Variants in P3H1 observed in about 807,000 individuals in gnomAD.
P3H1 encodes growth suppressor 1.
Under a neutral mutation model 84.0 loss-of-function variants are expected in P3H1, and 69 were observed. The observed-to-expected ratio is 0.82, with a 90% CI of 0.68 to 1.00. The LOEUF (loss-of-function observed/expected upper bound fraction) is 1.00, where lower values mean the gene tolerates loss of function less well. Among genes scored for constraint, P3H1 ranks in the 50% least tolerant of loss-of-function variants. The pLI, the probability that P3H1 is intolerant of heterozygous loss-of-function variation, is 0.00. For synonymous variants in P3H1, 366 were observed against 388.8 expected, an observed-to-expected ratio of 0.94 and a Z score of 0.69; for missense variants, 878 against 962.8, an observed-to-expected ratio of 0.91 and a Z score of 1.17.
intron 5 of P3H1, 85 bp from the exon 6 acceptor site, chr1:42,755,722 T>G: frequency 1.0e-6 from 1 of 987,550 alleles, no homozygotes; most frequent in Non-Finnish European, 1.6e-6. Flanking sequence ...CACCCCACAC[T>G]GATGCTCCCA....
intron 2 of P3H1, 61 bp from the exon 3 acceptor site, chr1:42,759,451 C>T (rs1018290661): frequency 4.8e-6 from 7 of 1,467,274 alleles, no homozygotes; most frequent in Non-Finnish European, 6.6e-6. Flanking sequence ...TCTCCTTGCC[C>T]TCAGCCACCT....
intron 13 of P3H1, 138 bp downstream of exon 13, chr1:42,747,585 C>A: frequency 8.9e-7 from 1 of 1,129,178 alleles, no homozygotes; most frequent in South Asian, 1.2e-5. Flanking sequence ...GGACACGTCT[C>A]AAAGCCCCTC....
At chr1:42,750,771 A>G (rs1241354293) in intron 10 of P3H1, among the ~76,000 whole-genome samples, 5 of 133,252 alleles carry the variant, frequency 3.8e-5, no homozygotes, top group African/African-American at 1.4e-4. Context: ...CCTACTGGGA[A>G]GTGAGGACCC....
At chr1:42,756,411 G>A (rs1652407025) in intron 5 of P3H1, 1 of 154,252 alleles carries the variant, frequency 6.5e-6, no homozygotes, top group Admixed American at 6.5e-5. Flanking sequence ...CCAGGGCAGG[G>A]AAACTGAGTA....
In P3H1 at chr1:42,750,236, G is replaced by T. The variant is rs762603538; in HGVS notation, c.1670C>A (p.Thr557Lys). The change falls in exon 11 of 15, where the codon ACG (threonine) becomes AAG (lysine). Residue 557 changes from threonine to lysine, a missense_variant. Transcript: ENST00000296388. ...ATGAGAGTAGGAAAAGTAGAGGGGC[G>T]TATCCAGGCGGAAGTAGGACTCCAT... is the stretch of plus-strand genomic sequence containing the variant. ...RIMESYFRLD[T>K]PLYFSYSHLV... The T allele has an allele frequency of 1.9e-6, 3 of 1,613,706 alleles. No homozygotes were observed. In the East Asian group the frequency reaches 6.7e-5, roughly 36 times the overall value.
At chr1:42,751,834 T>TC (rs1652112519) in intron 10 of P3H1, 1 of 235,292 alleles carries the variant, frequency 4.3e-6, no homozygotes, top group African/African-American at 2.2e-5. Context: ...ACAACGCCCC[T>TC]CTTTAGGGGC....
rs770265318 is a variant in P3H1, at chr1:42,752,310, T to C, written c.1533A>G (p.Glu511=). The change falls in exon 10 of 15, where the codon GAA becomes GAG. Residue 511 remains glutamate (E), a synonymous_variant. Transcript: ENST00000296388. Reference sequence around the variant, plus strand: ...TGAAGACAGTGACACCATAGAACTTTTCATTGGGAGTATGTGGGGAGGTCT... The same window carrying C: ...TGAAGACAGTGACACCATAGAACTTCTCATTGGGAGTATGTGGGGAGGTCT... The part of the protein sequence containing the change: ...RGQTSPHTPN[E]KFYGVTVFKA... The C allele has an allele frequency of 2.2e-5, 35 of 1,614,010 alleles. No individual in the cohort carries two copies. Among genetic ancestry groups the C allele is most frequent in the African/African-American group, 2.7e-5 (2 of 74,906 alleles).
At position 42,748,227 on chromosome 1, in the gene P3H1, G is replaced by T. The variant is rs2124082506; in HGVS notation, c.1811C>A (p.Pro604His). ...GTAGTCGCGGAAGGTGTAGGCTGGG[G>T]GCTCTTTGACACACACGAGGGTCTC... ...NAETLVCVKEPPAYTFRDYSA... is the reference protein window; with the variant it reads ...NAETLVCVKEHPAYTFRDYSA... The change falls in exon 12 of 15, where the codon CCC (proline) becomes CAC (histidine). Residue 604 changes from proline (P) to histidine (H), a missense_variant. Pro to His is a moderately conservative substitution (Grantham distance 77, BLOSUM62 -2). Coordinates refer to ENST00000296388, the MANE Select transcript of P3H1 (RefSeq NM_022356.4). The T allele has an allele frequency of 6.2e-7, 1 of 1,613,882 alleles. No individual in the cohort carries two copies. Among genetic ancestry groups the T allele is most frequent in the East Asian group, 2.2e-5 (1 of 44,866 alleles).
chr1:42,763,269 G>T (rs985919089), intron 1 of P3H1, among the ~76,000 whole-genome samples: 18 of 151,962 alleles, frequency 1.2e-4, no homozygotes, highest in East Asian at 3.9e-4. Flanking sequence ...GAGACATTTA[G>T]GGAAAAGGTG....
chr1:42,765,869 A>G (rs1652958893), intron 1 of P3H1, among the ~76,000 whole-genome samples: 1 of 152,144 alleles, frequency 6.6e-6, no homozygotes, highest in South Asian at 2.1e-4. Context: ...GGCTATCATC[A>G]TCATCATCAT....
intron 7 of P3H1, 72 bp downstream of exon 7, chr1:42,755,093 C>A (rs1652319665): frequency 3.1e-6 from 5 of 1,612,736 alleles, no homozygotes; most frequent in Non-Finnish European, 1.7e-6. Flanking sequence ...GAGTTCACAT[C>A]TGCCTGGGCT....
At chr1:42,750,480 G>T in intron 10 of P3H1, 144 bp from the exon 11 acceptor site, 1 of 866,974 alleles carries the variant, frequency 1.2e-6, no homozygotes, top group Non-Finnish European at 1.9e-6. Flanking sequence ...TAATGGGGGT[G>T]GATCTTTCCC....
At chr1:42,764,423 C>CAAA (rs769981372) in intron 1 of P3H1, among the ~76,000 whole-genome samples, 9 of 84,880 alleles carry the variant, frequency 1.1e-4, no homozygotes, top group Admixed American at 1.2e-4. Context: ...GACTCCATCT[C>CAAA]AAAAAAAAAA....
At chr1:42,756,647 T>C (rs1033816877) in intron 5 of P3H1, among the ~76,000 whole-genome samples, 1 of 152,258 alleles carries the variant, frequency 6.6e-6, no homozygotes, top group Non-Finnish European at 1.5e-5. Context: ...AAATGCTATG[T>C]TATCTCATTT....
In P3H1 at chr1:42,755,542, G is replaced by A; in HGVS notation, c.1170+6C>T. 6.2e-7 allele frequency: 1 copy of A among 1,610,600 alleles called. No individual in the cohort carries two copies. Among genetic ancestry groups the A allele is most frequent in the South Asian group, 1.1e-5 (1 of 91,008 alleles). The stretch of plus-strand genomic sequence containing the variant: ...GCTCCCTTCCGGCTCCTGTACCCTA[G>A]CTCACCGGATCCACAAAGGGAATTC... On this transcript the variant is annotated splice_donor_region_variant and intron_variant, in intron 6 of 14. Coordinates refer to ENST00000296388, the MANE Select transcript of P3H1 (RefSeq NM_022356.4).
intron 1 of P3H1, among the ~76,000 whole-genome samples, chr1:42,765,272 G>A (rs370590693): frequency 3.3e-5 from 5 of 152,112 alleles, no homozygotes; most frequent in African/African-American, 7.2e-5. Flanking sequence ...TCTCCCCCTG[G>A]CAATACTTAG....
chr1:42,762,549 C>T, intron 1 of P3H1, 74 bp from the exon 2 acceptor site: 2 of 1,536,804 alleles, frequency 1.3e-6, no homozygotes, highest in Admixed American at 3.3e-5. Context: ...ATGAGCAGTC[C>T]ACATAAACAG....
intron 11 of P3H1, among the ~76,000 whole-genome samples, chr1:42,749,298 TAGAGG>T (rs1651902964): frequency 6.6e-6 from 1 of 152,178 alleles, no homozygotes; most frequent in South Asian, 2.1e-4. Flanking sequence ...CATTCTGAGG[TAGAGG>T]AAAGCCCTCT....
intron 8 of P3H1, among the ~76,000 whole-genome samples, chr1:42,753,377 C>T (rs1325806821): frequency 6.6e-6 from 1 of 152,202 alleles, no homozygotes; most frequent in Non-Finnish European, 1.5e-5. Flanking sequence ...CAAAGGTCAA[C>T]ATTTCTCTCT....
Sources: allele counts gnomAD v4.1 joint callset (sites outside exome capture counted in the v4.1 genomes callset), GRCh38; gene constraint gnomAD v4.1.1; transcripts MANE v1.5; gene names NCBI Gene and HGNC (gene_info 2026-07-23, HGNC 2026-07-21).